VOPP1: variants seen among roughly 807,000 people sequenced by gnomAD.
VOPP1 encodes the protein VOPP1 WW domain binding protein, also known as WW domain binding protein VOPP1.
Under a neutral mutation model 23.5 loss-of-function variants are expected in VOPP1, and 8 were observed. That is an observed-to-expected ratio of 0.34 (90% CI 0.20 to 0.61). The LOEUF (loss-of-function observed/expected upper bound fraction) is 0.61. Among genes scored for constraint, VOPP1 ranks in the 20% least tolerant of loss-of-function variants. The probability of loss-of-function intolerance (pLI) is 0.78; values close to 1 mark genes in which losing one functional copy is unlikely to be tolerated. For missense variants in VOPP1, 174 were observed against 238.1 expected (o/e 0.73, Z 1.77); for synonymous variants, 83 against 97.3 (o/e 0.85, Z 0.86).
chr7:55,540,442 T>TAAATAAATAAATAAAA (rs1299869398), intron 1 of VOPP1, among the ~76,000 whole-genome samples: 4 of 135,996 alleles, frequency 2.9e-5, no homozygotes, highest in African/African-American at 5.7e-5. Context: ...AATAAATAAA[T>TAAATAAATAAATAAAA]AAAAATAAAT....
chr7:55,507,012 G>A (rs1482121181), intron 2 of VOPP1, among the ~76,000 whole-genome samples: 1 of 152,106 alleles, frequency 6.6e-6, no homozygotes, highest in African/African-American at 2.4e-5. Context: ...TAACCTCCTG[G>A]GTCATATCCT....
At chr7:55,469,539 G>A (rs73698736), downstream of VOPP1, among the ~76,000 whole-genome samples, 888 of 152,240 alleles carry the variant, frequency 5.8e-3, 11 homozygotes, top group African/African-American at 0.02. Flanking sequence ...TGGATTTGTC[G>A]GCGCCCTGCC....
At chr7:55,558,694 T>C (rs1259170004) in intron 1 of VOPP1, among the ~76,000 whole-genome samples, 1 of 152,228 alleles carries the variant, frequency 6.6e-6, no homozygotes, top group Non-Finnish European at 1.5e-5. Context: ...CACCCATCCA[T>C]CCATGTCCAA....
At chr7:55,510,570 C>CTTTTTT (rs34545604) in intron 2 of VOPP1, among the ~76,000 whole-genome samples, 2 of 119,796 alleles carry the variant, frequency 1.7e-5, no homozygotes. Context: ...AGGGCACTGG[C>CTTTTTT]TTTTTTTTTT....
chr7:55,535,065 C>T (rs1796705568), intron 1 of VOPP1, among the ~76,000 whole-genome samples: 1 of 152,206 alleles, frequency 6.6e-6, no homozygotes. Context: ...CAAGTCTGGC[C>T]GCATGGCCTC....
intron 1 of VOPP1, among the ~76,000 whole-genome samples, chr7:55,531,756 G>A (rs992179759): frequency 1.6e-4 from 25 of 152,250 alleles, no homozygotes; most frequent in Admixed American, 1.3e-3. Context: ...TTGGGCACCC[G>A]GCTTTGATGA....
intron 1 of VOPP1, among the ~76,000 whole-genome samples, chr7:55,561,125 C>A (rs1041780645): frequency 6.6e-6 from 1 of 152,122 alleles, no homozygotes; most frequent in Non-Finnish European, 1.5e-5. Context: ...TCACCACAAC[C>A]GCTGTGCGAC....
At chr7:55,495,739 G>GA (rs1793904617) in intron 3 of VOPP1, among the ~76,000 whole-genome samples, 1 of 152,234 alleles carries the variant, frequency 6.6e-6, no homozygotes, top group South Asian at 2.1e-4. Context: ...GATTGAGAGA[G>GA]AAAATGCATG....
chr7:55,439,252 C>T (rs925806552), intron 4 of VOPP1, among the ~76,000 whole-genome samples: 1 of 151,960 alleles, frequency 6.6e-6, no homozygotes, highest in Non-Finnish European at 1.5e-5. Flanking sequence ...GAGGAGAAGG[C>T]GCAGTCACTG....
At chr7:55,443,029 G>T (rs374219840) in intron 4 of VOPP1, among the ~76,000 whole-genome samples, 5 of 152,026 alleles carry the variant, frequency 3.3e-5, no homozygotes, top group African/African-American at 1.2e-4. Context: ...TGAGGCAGGA[G>T]AATGGCGTGA....
At chr7:55,484,633 T>C (rs1792991746) in intron 4 of VOPP1, among the ~76,000 whole-genome samples, 1 of 152,208 alleles carries the variant, frequency 6.6e-6, no homozygotes, top group East Asian at 1.9e-4. Context: ...TTTGAAGTAA[T>C]ATAATGAACA....
chr7:55,499,422 C>G (rs1000877129), intron 2 of VOPP1, among the ~76,000 whole-genome samples: 5 of 152,186 alleles, frequency 3.3e-5, no homozygotes, highest in African/African-American at 1.2e-4. Context: ...ACTTGCACTC[C>G]TGACACTCCA....
intron 2 of VOPP1, among the ~76,000 whole-genome samples, chr7:55,499,864 C>T (rs1427408035): frequency 6.6e-6 from 1 of 152,110 alleles, no homozygotes; most frequent in Non-Finnish European, 1.5e-5. Context: ...AGGCCAGCGC[C>T]CTGCACAAAC....
chr7:55,487,910 G>C (rs1007476995), intron 4 of VOPP1, among the ~76,000 whole-genome samples: 4 of 152,188 alleles, frequency 2.6e-5, no homozygotes, highest in Admixed American at 6.5e-5. Flanking sequence ...TGCTGCCTCA[G>C]CCTAGGCTTT....
At chr7:55,441,903 C>A (rs745838041) in intron 4 of VOPP1, among the ~76,000 whole-genome samples, 1 of 152,192 alleles carries the variant, frequency 6.6e-6, no homozygotes, top group Non-Finnish European at 1.5e-5. Context: ...AAAATTAGCA[C>A]ATTTTGAGTC....
At chr7:55,476,444 G>T (rs956679371) in intron 4 of VOPP1, among the ~76,000 whole-genome samples, 4 of 150,444 alleles carry the variant, frequency 2.7e-5, no homozygotes, top group African/African-American at 4.9e-5. Context: ...GGGTGGGCGG[G>T]GGGGCTGGGC....
At chr7:55,562,145 AAGG>A in intron 1 of VOPP1, 1 of 696,546 alleles carries the variant, frequency 1.4e-6, no homozygotes, top group Non-Finnish European at 2.6e-6. Flanking sequence ...TGAGAATGGC[AAGG>A]AGGTCTCTGT....
downstream of VOPP1, among the ~76,000 whole-genome samples, chr7:55,467,486 T>C (rs1044771092): frequency 6.6e-6 from 1 of 152,238 alleles, no homozygotes; most frequent in African/African-American, 2.4e-5. Context: ...CCACCTTCTG[T>C]GTACAGTTCA....
chr7:55,562,707 G>A (rs1350131263), intron 1 of VOPP1, among the ~76,000 whole-genome samples: 2 of 152,138 alleles, frequency 1.3e-5, no homozygotes, highest in African/African-American at 4.8e-5. Context: ...CAGATATTAA[G>A]CGTGAGGGGA....
Sources: gnomAD v4.1 joint callset for allele counts (sites outside exome capture counted in the v4.1 genomes callset) on GRCh38, gnomAD v4.1.1 for gene constraint, MANE v1.5 for transcripts, NCBI Gene and HGNC (gene_info 2026-07-23, HGNC 2026-07-21) for gene names.